Variants in UNC13B observed in about 807,000 individuals in gnomAD.
UNC13B encodes protein unc-13 homolog B.
A neutral mutation model predicts 211.0 loss-of-function variants in UNC13B; 144 were observed. That is an observed-to-expected ratio of 0.68 (90% CI 0.60 to 0.78). The LOEUF (loss-of-function observed/expected upper bound fraction) is 0.78. Among genes scored for constraint, UNC13B ranks in the 30% least tolerant of loss-of-function variants. UNC13B has a pLI of 0.00. For missense variants in UNC13B, 1,777 were observed against 2,002.0 expected (o/e 0.89, Z 2.14); for synonymous variants, 709 against 725.8 (o/e 0.98, Z 0.37).
rs919989545 is a variant in UNC13B at position 35,217,387 on chromosome 9, G to GT, written c.23-10620dup. ...GCCTACTATCATTTCTTGTTTGTTT[G>GT]TTTTTTTTGTTTTTTTTTTTTTTGA... On this transcript the variant is annotated intron_variant, in intron 1 of 39. Transcript: ENST00000635942. Among the ~76,000 whole-genome samples, 67 of 146,230 alleles carry GT rather than the reference G, an allele frequency of 4.6e-4. 1 individual carries two copies. Among genetic ancestry groups the GT allele is most frequent in the Non-Finnish European group, 6.6e-4 (44 of 66,604 alleles).
chr9:35,204,111 A>G (rs1446558693), intron 1 of UNC13B, among the ~76,000 whole-genome samples: 1 of 152,242 alleles, frequency 6.6e-6, no homozygotes, highest in African/African-American at 2.4e-5. Context: ...GGGCCCAGGT[A>G]TAGCTTGGGC....
At chr9:35,259,784 T>G in intron 7 of UNC13B, among the ~76,000 whole-genome samples, 1 of 78,704 alleles carries the variant, frequency 1.3e-5, no homozygotes, top group African/African-American at 5.4e-5. Context: ...TGTGTGTGTG[T>G]GTAGGGGGAT....
In UNC13B at chr9:35,277,913, C is replaced by G. The variant is rs566421101; in HGVS notation, c.527-17783C>G. Among the ~76,000 whole-genome samples the G allele has an allele frequency of 2.0e-5, 3 of 151,804 alleles. No individual in the cohort carries two copies. The South Asian group carries it at 6.3e-4, about 32-fold the overall frequency. ...AATACCATGGAAAGAAGGAAAGTCCCGAGGTGGCAAAGGAATAAATAAATG... is the reference window on the plus strand; with the variant it reads ...AATACCATGGAAAGAAGGAAAGTCCGGAGGTGGCAAAGGAATAAATAAATG... On this transcript the variant is annotated intron_variant, in intron 7 of 39. Coordinates refer to ENST00000635942, the MANE Select transcript of UNC13B (RefSeq NM_001371189.2).
chr9:35,398,783 G>A, intron 32 of UNC13B, 99 bp from the exon 33 acceptor site: 2 of 1,568,510 alleles, frequency 1.3e-6, no homozygotes, highest in South Asian at 2.4e-5. Flanking sequence ...TGCTGGAAAT[G>A]CACCATGAGC....
chr9:35,343,341 G>A (rs922136361), intron 11 of UNC13B, among the ~76,000 whole-genome samples: 3 of 152,154 alleles, frequency 2.0e-5, no homozygotes, highest in East Asian at 1.9e-4. Context: ...ATAGGATAGC[G>A]TACTCTTGGT....
chr9:35,240,133 A>G (rs988536186), intron 5 of UNC13B, among the ~76,000 whole-genome samples: 1 of 152,212 alleles, frequency 6.6e-6, no homozygotes, highest in Non-Finnish European at 1.5e-5. Flanking sequence ...TTAAGAAATT[A>G]TAAAAGTATT....
intron 3 of UNC13B, among the ~76,000 whole-genome samples, 196 bp from the exon 4 acceptor site, chr9:35,236,273 A>G (rs1180382896): frequency 6.6e-6 from 1 of 152,192 alleles, no homozygotes; most frequent in Non-Finnish European, 1.5e-5. Context: ...TTTAACTGTA[A>G]CAAAGGCAGT....
chr9:35,357,659 G>A (rs1028494328), intron 11 of UNC13B, among the ~76,000 whole-genome samples: 4 of 150,868 alleles, frequency 2.7e-5, no homozygotes, highest in Non-Finnish European at 4.4e-5. Flanking sequence ...AGACCGAGGC[G>A]AGAGGATCAC....
At chr9:35,366,431 C>T (rs1833775385) in intron 11 of UNC13B, among the ~76,000 whole-genome samples, 1 of 152,112 alleles carries the variant, frequency 6.6e-6, no homozygotes, top group South Asian at 2.1e-4. Flanking sequence ...AGAGAATATA[C>T]TTAGTGTCAG....
rs925710928 is a variant in UNC13B, at chr9:35,405,113, C to T, written c.*1080C>T. Reference sequence around the variant, plus strand: ...CTGGGAGGTCAGAGACAAACTGTTTCAGAGAGTCAGATGGACTTCCCAAGA... The same window carrying T: ...CTGGGAGGTCAGAGACAAACTGTTTTAGAGAGTCAGATGGACTTCCCAAGA... On this transcript the variant is annotated 3_prime_UTR_variant, in exon 40 of 40. Transcript: ENST00000635942. 6.6e-6 allele frequency: 1 copy of T among 152,636 alleles called. No homozygotes were observed. The highest frequency in any genetic ancestry group is 1.5e-5 in the Non-Finnish European group (1 of 68,078). 9.5% of individuals were successfully genotyped at this position (152,636 alleles called of 1,614,324 possible). A position where few individuals can be genotyped will look rare whatever the true frequency, so the allele number is the denominator to read the frequency against.
intron 11 of UNC13B, among the ~76,000 whole-genome samples, chr9:35,336,798 A>C (rs550764923): frequency 4.6e-5 from 7 of 152,330 alleles, no homozygotes; most frequent in African/African-American, 1.7e-4. Context: ...TTTTGGAGTG[A>C]CACAGACGTT....
At chr9:35,354,463 A>G (rs1042874619) in intron 11 of UNC13B, among the ~76,000 whole-genome samples, 1 of 152,280 alleles carries the variant, frequency 6.6e-6, no homozygotes, top group East Asian at 1.9e-4. Context: ...CTAGAGCCCA[A>G]CGTTGCCCTC....
chr9:35,355,332 G>T lies in UNC13B; in HGVS notation c.9415-11615G>T, dbSNP rs900046825. 2.0e-5 allele frequency among the ~76,000 whole-genome samples: 3 copies of T among 152,280 alleles called. No individual in the cohort carries two copies. In the South Asian group the frequency reaches 6.2e-4, roughly 32 times the overall value. On this transcript the variant is annotated intron_variant, in intron 11 of 39. Transcript: ENST00000635942. ...TGGAATGGGAGGGAGATTTTTCTCT[G>T]TGTGCCTTCTTTTAATTTTTAGAAT...
chr9:35,386,183 C>G lies in UNC13B; in HGVS notation c.10984C>G (p.Pro3662Ala), dbSNP rs1835177981. The G allele has an allele frequency of 1.9e-6, 3 of 1,614,032 alleles. No homozygotes were observed. The highest frequency in any genetic ancestry group is 2.5e-6 in the Non-Finnish European group (3 of 1,180,014). ...TTGGCAGGTACAAGAACTGCAAAGC[C>G]CTCCAAGAGCCAGCCAGGTGGTAAA... ...FRMKVQELQSPPRASQVVKDC... is the reference protein window; with the variant it reads ...FRMKVQELQSAPRASQVVKDC... Residue 3662 changes from proline to alanine, a missense_variant, in exon 24 of 40, where the codon CCT (proline) becomes GCT (alanine). Physicochemically the swap from Pro to Ala is conservative, Grantham distance 27 (BLOSUM62 -1). Transcript: ENST00000635942.
chr9:35,312,725 AAGAG>A (rs1830238770), intron 10 of UNC13B, among the ~76,000 whole-genome samples: 1 of 152,258 alleles, frequency 6.6e-6, no homozygotes, highest in African/African-American at 2.4e-5. Flanking sequence ...GTAGACCTCA[AAGAG>A]AGAAAGGAGA....
At position 35,186,578 on chromosome 9, in the gene UNC13B, A is replaced by G. The variant is rs1170173688; in HGVS notation, c.22+24273A>G. 6.6e-5 allele frequency among the ~76,000 whole-genome samples: 10 copies of G among 151,128 alleles called. No homozygotes were observed. The Admixed American group carries it at 6.7e-4, about 10-fold the overall frequency. ...GCAAAAGAAAGAGAAACAAAGAGAA[A>G]GGAAAACAGTTCTCTCTCTAGTGAG... is the stretch of plus-strand genomic sequence containing the variant. On this transcript the variant is annotated intron_variant, in intron 1 of 39. Transcript: ENST00000635942.
intron 7 of UNC13B, among the ~76,000 whole-genome samples, chr9:35,286,510 T>C (rs1828803105): frequency 6.6e-6 from 1 of 151,972 alleles, no homozygotes; most frequent in Non-Finnish European, 1.5e-5. Flanking sequence ...CTGGAAATTT[T>C]AGCCCCATTC....
chr9:35,203,515 G>T (rs1823446588), intron 1 of UNC13B, among the ~76,000 whole-genome samples: 1 of 152,166 alleles, frequency 6.6e-6, no homozygotes, highest in Non-Finnish European at 1.5e-5. Flanking sequence ...TAGAGTTTCT[G>T]CCAAGAGATC....
intron 11 of UNC13B, among the ~76,000 whole-genome samples, chr9:35,332,654 A>G (rs1318731930): frequency 1.3e-5 from 2 of 152,104 alleles, no homozygotes; most frequent in Non-Finnish European, 1.5e-5. Context: ...CTTAGAAGCC[A>G]TTTTATGTAT....
Sources: allele counts gnomAD v4.1 joint callset (sites outside exome capture counted in the v4.1 genomes callset), GRCh38; gene constraint gnomAD v4.1.1; transcripts MANE v1.5; gene names NCBI Gene and HGNC (gene_info 2026-07-23, HGNC 2026-07-21).